The following GRIK5 variants were observed in gnomAD, a reference collection of about 807,000 sequenced individuals.
GRIK5 encodes glutamate ionotropic receptor kainate type subunit 5.
A neutral mutation model predicts 97.4 loss-of-function variants in GRIK5; 43 were observed. The ratio of observed to expected loss-of-function variants is 0.44; its 90% CI spans 0.35 to 0.57. GRIK5 has a LOEUF of 0.57. Among genes scored for constraint, GRIK5 ranks in the 20% least tolerant of loss-of-function variants. GRIK5 has a pLI of 0.01. For missense variants in GRIK5, 1,015 were observed against 1,382.0 expected (o/e 0.73, Z 4.21); for synonymous variants, 580 against 583.5 (o/e 0.99, Z 0.09).
At chr19:42,008,695 T>C (rs1555873360) in intron 15 of GRIK5, among the ~76,000 whole-genome samples, 2 of 151,842 alleles carry the variant, frequency 1.3e-5, no homozygotes, top group Non-Finnish European at 1.5e-5. Context: ...AATCACTCAA[T>C]TGAAACAGAC....
At chr19:42,029,231 C>A (rs1034546139) in intron 12 of GRIK5, among the ~76,000 whole-genome samples, 3 of 152,026 alleles carry the variant, frequency 2.0e-5, no homozygotes, top group Non-Finnish European at 4.4e-5. Flanking sequence ...CCATGCCCAG[C>A]TAATTTTTGT....
intron 12 of GRIK5, among the ~76,000 whole-genome samples, chr19:42,024,307 G>T (rs932905374): frequency 1.3e-5 from 2 of 151,724 alleles, no homozygotes; most frequent in Non-Finnish European, 1.5e-5. Context: ...CTGCCTCCTG[G>T]GTTCAAGCAA....
chr19:42,053,556 G>C (rs574181098), intron 11 of GRIK5, 46 bp downstream of exon 11: 1 of 1,133,990 alleles, frequency 8.8e-7, no homozygotes, highest in Non-Finnish European at 1.3e-6. Context: ...GCTAGGACTG[G>C]GCTCAGGGCA....
At chr19:42,056,043 T>A (rs1404769442) in intron 8 of GRIK5, among the ~76,000 whole-genome samples, 1 of 151,320 alleles carries the variant, frequency 6.6e-6, no homozygotes, top group East Asian at 1.9e-4. Flanking sequence ...TGGAGTGCAA[T>A]GGCACGATCT....
At position 42,053,499 on chromosome 19, in the gene GRIK5, G is replaced by T. The variant is rs1302067456; in HGVS notation, c.1269+103C>A. ...CGTGCAGGAATCCCAGCCCCCACTGGCCTATGCGCTGTGCCAGCCAATGCA... is the reference window on the plus strand; with the variant it reads ...CGTGCAGGAATCCCAGCCCCCACTGTCCTATGCGCTGTGCCAGCCAATGCA... On this transcript the variant is annotated intron_variant, in intron 11 of 19. Coordinates refer to ENST00000593562, the MANE Select transcript of GRIK5 (RefSeq NM_002088.5). 27 of 724,792 alleles carry T rather than the reference G, an allele frequency of 3.7e-5. No homozygotes were observed. The Middle Eastern group carries it at 1.1e-3, about 30-fold the overall frequency. The allele number at this position is 724,792 out of a possible 1,614,324, so 44.9% of individuals were successfully genotyped here. A position where few individuals can be genotyped will look rare whatever the true frequency, so the allele number is the denominator to read the frequency against.
chr19:42,019,841 T>C (rs2075675546), intron 15 of GRIK5, among the ~76,000 whole-genome samples: 1 of 152,234 alleles, frequency 6.6e-6, no homozygotes, highest in Non-Finnish European at 1.5e-5. Context: ...TGCCAGGAAC[T>C]TGATTTTACG....
intron 3 of GRIK5, among the ~76,000 whole-genome samples, chr19:42,064,743 C>T (rs759434565): frequency 2.6e-5 from 4 of 152,232 alleles, no homozygotes; most frequent in African/African-American, 7.2e-5. Context: ...GTGACACCTT[C>T]GAACATTCAG....
intron 15 of GRIK5, among the ~76,000 whole-genome samples, chr19:42,020,527 C>T (rs544026875): frequency 6.6e-6 from 1 of 152,290 alleles, no homozygotes; most frequent in Admixed American, 6.5e-5. Context: ...CTGAAACCTA[C>T]TGGGCTGCAT....
At position 42,065,299 on chromosome 19, in the gene GRIK5, C is replaced by T; in HGVS notation, c.168G>A (p.Glu56=). The change falls in exon 3 of 20, where the codon GAG becomes GAA. Residue 56 remains glutamate, a synonymous_variant. Transcript: ENST00000593562. This position sits in a 1 kb window ranked among gnomAD's most constrained non-coding sequence, Gnocchi z 5.8. ...CTTCCACTCGGGCCTTGGCTGGGAC[C>T]TCGATGATCCCGTTGATCTGCTCCC... The part of the protein sequence containing the change: ...LAREQINGII[E]VPAKARVEVD... The T allele has an allele frequency of 6.2e-7, 1 of 1,613,082 alleles. No homozygotes were observed. The highest frequency in any genetic ancestry group is 8.5e-7 in the Non-Finnish European group (1 of 1,179,868).
Position 42,005,839 on chromosome 19 carries a change from C to G in GRIK5, c.2147G>C (p.Arg716Pro). Residue 716 changes from arginine to proline, a missense_variant, in exon 17 of 20, where the codon CGC (arginine) becomes CCC (proline). By Grantham distance (103) the Arg-to-Pro change is moderately radical. Around this residue, in one of 5 missense-constraint regions of GRIK5, gnomAD observed 229 missense variants for 341.0 expected, o/e 0.67. Transcript: ENST00000593562. Reference sequence around the variant, plus strand: ...GGTGGACTCGAGCAGGAAGGCGTAGCGGGAGTTGAGGACGCGGGCAATGCC... The same window carrying G: ...GGTGGACTCGAGCAGGAAGGCGTAGGGGGAGTTGAGGACGCGGGCAATGCC... The part of the protein sequence containing the change: ...EEGIARVLNS[R>P]YAFLLESTMN... 1.2e-6 allele frequency: 2 copies of G among 1,613,430 alleles called. No individual in the cohort carries two copies. Among genetic ancestry groups the G allele is most frequent in the Non-Finnish European group, 1.7e-6 (2 of 1,179,384 alleles).
rs2076311653 is a variant in GRIK5, at chr19:42,065,096, AAAC to A, written c.244+124_244+126del. The A allele has an allele frequency of 1.2e-6, 1 of 819,128 alleles. No individual in the cohort carries two copies. The highest frequency in any genetic ancestry group is 1.7e-5 in the African/African-American group (1 of 58,732). 50.7% of individuals were successfully genotyped at this position (819,128 alleles called of 1,614,324 possible). ...CCATGTCTGGGAAGAAGGCAGAGAC[AAAC>A]ACAAAGAAGGGGGAGGATGGAGCTA... On this transcript the variant is annotated intron_variant, in intron 3 of 19. Coordinates refer to ENST00000593562, the MANE Select transcript of GRIK5 (RefSeq NM_002088.5). This position sits in a 1 kb window ranked among gnomAD's most constrained non-coding sequence, Gnocchi z 5.8.
At chr19:42,012,844 G>C (rs112765272) in intron 15 of GRIK5, among the ~76,000 whole-genome samples, 1 of 150,720 alleles carries the variant, frequency 6.6e-6, no homozygotes, top group Non-Finnish European at 1.5e-5. Flanking sequence ...TCCAGCCTGG[G>C]CAACAGAGTG....
At chr19:42,028,862 T>C (rs2075803789) in intron 12 of GRIK5, among the ~76,000 whole-genome samples, 1 of 152,248 alleles carries the variant, frequency 6.6e-6, no homozygotes, top group Non-Finnish European at 1.5e-5. Flanking sequence ...CCATGACTAC[T>C]TTCCATACAA....
In GRIK5 at chr19:42,042,415, G is replaced by A; in HGVS notation, c.1473+137C>T. 1.4e-6 allele frequency: 1 copy of A among 718,184 alleles called. No individual in the cohort carries two copies. The highest frequency in any genetic ancestry group is 2.3e-6 in the Non-Finnish European group (1 of 429,564). The allele number at this position is 718,184 out of a possible 1,614,324, so 44.5% of individuals were successfully genotyped here. ...CATACAGCGCAACATCAGTGAGGTG[G>A]TGTCAGGGGCCCTTCATGGCTCCTT... On this transcript the variant is annotated intron_variant, in intron 12 of 19. Coordinates refer to ENST00000593562, the MANE Select transcript of GRIK5 (RefSeq NM_002088.5). This position sits in a 1 kb window ranked among gnomAD's most constrained non-coding sequence, Gnocchi z 6.9.
intron 12 of GRIK5, among the ~76,000 whole-genome samples, chr19:42,041,610 G>A (rs2075978210): frequency 6.6e-6 from 1 of 152,034 alleles, no homozygotes; most frequent in African/African-American, 2.4e-5. Flanking sequence ...CCTTTCCACT[G>A]CACCCTTGCC....
Position 41,998,712 on chromosome 19 carries a change from G to T in GRIK5, c.*159C>A. 4.2e-6 allele frequency: 1 copy of T among 239,828 alleles called. No individual in the cohort carries two copies. The highest frequency in any genetic ancestry group is 7.4e-6 in the Non-Finnish European group (1 of 135,880). The allele number at this position is 239,828 out of a possible 1,614,324, so 14.9% of individuals were successfully genotyped here. A position where few individuals can be genotyped will look rare whatever the true frequency, so the allele number is the denominator to read the frequency against. On this transcript the variant is annotated 3_prime_UTR_variant, in exon 20 of 20. Transcript: ENST00000593562. ...GGGCGCAGGCGGGCTCCAGAGCCAG[G>T]CCTCGGACTTCGCGGGGAACCAAAG...
In GRIK5 at chr19:42,065,844, AG is replaced by A; in HGVS notation, c.-50-25del. 8.1e-7 allele frequency: 1 copy of A among 1,227,602 alleles called. No homozygotes were observed. Among genetic ancestry groups the A allele is most frequent in the Middle Eastern group, 1.9e-4 (1 of 5,346 alleles). The allele number at this position is 1,227,602 out of a possible 1,614,324, so 76.0% of individuals were successfully genotyped here. ...ACCTGCAGGGAGACCCCCCAGACCA[AG>A]GGGAGATTACTATGTGGTGGGATGG... On this transcript the variant is annotated intron_variant, in intron 1 of 19. Coordinates refer to ENST00000593562, the MANE Select transcript of GRIK5 (RefSeq NM_002088.5). The surrounding 1 kb of genome is among the most constrained non-coding windows in gnomAD (Gnocchi z 5.8).
Position 42,003,313 on chromosome 19 carries a change from C to A in GRIK5, c.2514+19G>T. The A allele has an allele frequency of 6.3e-7, 1 of 1,585,556 alleles. No individual in the cohort carries two copies. Among genetic ancestry groups the A allele is most frequent in the South Asian group, 1.1e-5 (1 of 90,322 alleles). ...TGGGGGTCCCTGTTCCTGCCCACCCCCACCCCCAGCCTCCTCACCTCCTCG... is the reference window on the plus strand; with the variant it reads ...TGGGGGTCCCTGTTCCTGCCCACCCACACCCCCAGCCTCCTCACCTCCTCG... On this transcript the variant is annotated intron_variant, in intron 19 of 19. Transcript: ENST00000593562. This position sits in a 1 kb window ranked among gnomAD's most constrained non-coding sequence, Gnocchi z 4.2.
At position 42,002,370 on chromosome 19, in the gene GRIK5, AAG is replaced by A. The variant is rs2075433114; in HGVS notation, c.2514+960_2514+961del. On this transcript the variant is annotated intron_variant, in intron 19 of 19. Transcript: ENST00000593562. The surrounding 1 kb of genome is among the most constrained non-coding windows in gnomAD (Gnocchi z 5.2). ...GTACGTTGGTGGCCTGAATCCAATA[AAG>A]AGAGGACAACTGATGCTGCAGGAGG... 1.4e-6 allele frequency: 1 copy of A among 717,608 alleles called. No individual in the cohort carries two copies. The highest frequency in any genetic ancestry group is 2.6e-6 in the Non-Finnish European group (1 of 385,096). The allele number at this position is 717,608 out of a possible 1,614,324, so 44.5% of individuals were successfully genotyped here. A position where few individuals can be genotyped will look rare whatever the true frequency, so the allele number is the denominator to read the frequency against.
Sources: allele counts gnomAD v4.1 joint callset (sites outside exome capture counted in the v4.1 genomes callset), GRCh38; gene constraint gnomAD v4.1.1; regional missense constraint gnomAD v4.1.1; non-coding constraint Gnocchi (gnomAD v3.1); transcripts MANE v1.5; gene names NCBI Gene and HGNC (gene_info 2026-07-23, HGNC 2026-07-21).